The following HNF1A variants were observed in gnomAD, a reference collection of about 807,000 sequenced individuals.
HNF1A encodes the protein HNF1 homeobox A.
A neutral mutation model predicts 62.2 loss-of-function variants in HNF1A; 21 were observed. The ratio of observed to expected loss-of-function variants is 0.34; its 90% CI spans 0.24 to 0.49. HNF1A has a LOEUF of 0.49. HNF1A is among the 20% of genes least tolerant of loss of function. The pLI, the probability that HNF1A is intolerant of heterozygous loss-of-function variation, is 0.99. For synonymous variants in HNF1A, 374 were observed against 366.8 expected (o/e 1.02, Z -0.22); for missense variants, 687 against 832.3 (o/e 0.83, Z 2.15).
At chr12:120,991,077 G>A (rs1454205263) in intron 2 of HNF1A, among the ~76,000 whole-genome samples, 1 of 152,156 alleles carries the variant, frequency 6.6e-6, no homozygotes, top group East Asian at 1.9e-4. Flanking sequence ...GACTTTTAGG[G>A]ATTTTGCAAT....
chr12:120,981,148 G>A (rs1032748738), intron 1 of HNF1A, among the ~76,000 whole-genome samples: 1 of 151,936 alleles, frequency 6.6e-6, no homozygotes, highest in Non-Finnish European at 1.5e-5. Flanking sequence ...GGTCAGGAAA[G>A]GAGCCAGGGA....
At position 121,001,243 on chromosome 12, in the gene HNF1A, G is replaced by T; in HGVS notation, c.*51G>T. On this transcript the variant is annotated 3_prime_UTR_variant, in exon 10 of 10. Transcript: ENST00000257555. Reference sequence around the variant, plus strand: ...GTACTGCCTGCTTGGGGGGTGATGAGGGCAGCAGCCAGCCCTGCCTGGAGG... The same window carrying T: ...GTACTGCCTGCTTGGGGGGTGATGATGGCAGCAGCCAGCCCTGCCTGGAGG... 6.2e-7 allele frequency: 1 copy of T among 1,606,826 alleles called. No homozygotes were observed.
Position 120,978,743 on chromosome 12 carries a change from C to A in HNF1A, c.-26C>A. The A allele has an allele frequency of 6.2e-7, 1 of 1,609,568 alleles. No homozygotes were observed. ...AGGCGGCTAGCGTGGTGGACCCGGGCCGCGTGGCCCTGTGGCAGCCGAGCC... is the reference window on the plus strand; with the variant it reads ...AGGCGGCTAGCGTGGTGGACCCGGGACGCGTGGCCCTGTGGCAGCCGAGCC... On this transcript the variant is annotated 5_prime_UTR_variant, in exon 1 of 10. Coordinates refer to ENST00000257555, the MANE Select transcript of HNF1A (RefSeq NM_000545.8).
Position 120,997,555 on chromosome 12 carries a change from T to A in HNF1A, c.1391T>A (p.Phe464Tyr), listed in dbSNP as rs1403218426. ...CTGACCACCCTGCAGCCCGTCCAGTTCTCCCAGCCGCTGCACCCCTCCTAC... is the reference window on the plus strand; with the variant it reads ...CTGACCACCCTGCAGCCCGTCCAGTACTCCCAGCCGCTGCACCCCTCCTAC... ...SSLTTLQPVQ[F>Y]SQPLHPSYQQ... Residue 464 changes from phenylalanine (F) to tyrosine (Y), a missense_variant, in exon 7 of 10, where the codon TTC (phenylalanine) becomes TAC (tyrosine). Coordinates refer to ENST00000257555, the MANE Select transcript of HNF1A (RefSeq NM_000545.8). 2.5e-6 allele frequency: 4 copies of A among 1,613,288 alleles called. No homozygotes were observed. Among genetic ancestry groups the A allele is most frequent in the Non-Finnish European group, 1.7e-6 (2 of 1,179,986 alleles).
In HNF1A at chr12:121,001,830, G is replaced by A; in HGVS notation, c.*638G>A. 1.9e-6 allele frequency: 1 copy of A among 533,268 alleles called. No homozygotes were observed. The highest frequency in any genetic ancestry group is 3.6e-6 in the Non-Finnish European group (1 of 274,658). The allele number at this position is 533,268 out of a possible 1,614,324, so 33.0% of individuals were successfully genotyped here. On this transcript the variant is annotated 3_prime_UTR_variant, in exon 10 of 10. Coordinates refer to ENST00000257555, the MANE Select transcript of HNF1A (RefSeq NM_000545.8). Reference sequence around the variant, plus strand: ...AGGGAGGCCGAAGCTAACAGGGAAGGCAGGCAGGGCTCTCCTGGCTTCCCA... The same window carrying A: ...AGGGAGGCCGAAGCTAACAGGGAAGACAGGCAGGGCTCTCCTGGCTTCCCA...
chr12:120,981,701 GCCCCACCC>G lies in HNF1A; in HGVS notation c.326+2610_326+2617del, dbSNP rs1876257028. Among the ~76,000 whole-genome samples, 3 of 152,278 alleles carry G rather than the reference GCCCCACCC, an allele frequency of 2.0e-5. No individual in the cohort carries two copies. The East Asian group carries it at 5.8e-4, about 29-fold the overall frequency. On this transcript the variant is annotated intron_variant, in intron 1 of 9. Coordinates refer to ENST00000257555, the MANE Select transcript of HNF1A (RefSeq NM_000545.8). ...CCCTGATTGCTCCATCCAAAAGGGGGCCCCACCCCCGTCACTCTCTTCCACTACTGTTG... is the reference window on the plus strand; with the variant it reads ...CCCTGATTGCTCCATCCAAAAGGGGGCCGTCACTCTCTTCCACTACTGTTG...
rs1160122118 is a variant in HNF1A at position 120,989,103 on chromosome 12, C to T, written c.526+71C>T. On this transcript the variant is annotated intron_variant, in intron 2 of 9. Coordinates refer to ENST00000257555, the MANE Select transcript of HNF1A (RefSeq NM_000545.8). ...CTCTCCCCTAACTCATAGGTGGGGGCTGGAAGCTTCACCATCCCCATTACA... is the reference window on the plus strand; with the variant it reads ...CTCTCCCCTAACTCATAGGTGGGGGTTGGAAGCTTCACCATCCCCATTACA... 2.1e-6 allele frequency: 3 copies of T among 1,419,132 alleles called. No individual in the cohort carries two copies. In the African/African-American group the frequency reaches 4.2e-5, roughly 20 times the overall value. The allele number at this position is 1,419,132 out of a possible 1,614,324, so 87.9% of individuals were successfully genotyped here. A position where few individuals can be genotyped will look rare whatever the true frequency, so the allele number is the denominator to read the frequency against.
intron 1 of HNF1A, among the ~76,000 whole-genome samples, chr12:120,980,236 C>T (rs373559368): frequency 2.0e-5 from 3 of 152,294 alleles, no homozygotes; most frequent in Non-Finnish European, 2.9e-5. Context: ...CTACTCTGTT[C>T]GGTGCTCTCA....
chr12:120,978,882 G>A lies in HNF1A; in HGVS notation c.114G>A (p.Leu38=). ...QALGEPGPYL[L]AGEGPLDKGE... ...TGGGTGAGCCGGGGCCCTACCTCCT[G>A]GCTGGAGAAGGCCCCCTGGACAAGG... is the stretch of plus-strand genomic sequence containing the variant. The change falls in exon 1 of 10, where the codon CTG becomes CTA. Residue 38 remains leucine (L), a synonymous_variant. Transcript: ENST00000257555. 6.2e-7 allele frequency: 1 copy of A among 1,613,430 alleles called. No individual in the cohort carries two copies. Among genetic ancestry groups the A allele is most frequent in the South Asian group, 1.1e-5 (1 of 91,062 alleles).
At chr12:120,990,065 G>C (rs988121650) in intron 2 of HNF1A, among the ~76,000 whole-genome samples, 4 of 151,942 alleles carry the variant, frequency 2.6e-5, no homozygotes, top group African/African-American at 9.7e-5. Context: ...CAAGGGCACT[G>C]TCACCTTCCA....
intron 9 of HNF1A, 102 bp downstream of exon 9, chr12:120,999,729 A>T (rs1411420763): frequency 7.0e-7 from 1 of 1,426,622 alleles, no homozygotes; most frequent in East Asian, 2.5e-5. Context: ...CTGTGCATGC[A>T]GCAGGCCTAG....
chr12:120,998,979 C>T lies in HNF1A; in HGVS notation c.1502-289C>T, dbSNP rs1276653725. 3.3e-5 allele frequency among the ~76,000 whole-genome samples: 5 copies of T among 152,352 alleles called. No homozygotes were observed. In the South Asian group the frequency reaches 8.3e-4, roughly 25 times the overall value. Reference sequence around the variant, plus strand: ...ACAGTAGCCCTGCACCTGCACCTCCCGTTCCCTTTCATACCTGCTGTCTCC... The same window carrying T: ...ACAGTAGCCCTGCACCTGCACCTCCTGTTCCCTTTCATACCTGCTGTCTCC... On this transcript the variant is annotated intron_variant, in intron 7 of 9. Transcript: ENST00000257555.
chr12:120,995,438 C>A (rs889450154), intron 4 of HNF1A, among the ~76,000 whole-genome samples: 1 of 152,080 alleles, frequency 6.6e-6, no homozygotes, highest in African/African-American at 2.4e-5. Flanking sequence ...CCACTACATA[C>A]CATTTTATTC....
chr12:120,989,048 A>T lies in HNF1A; in HGVS notation c.526+16A>T. 6.2e-7 allele frequency: 1 copy of T among 1,612,538 alleles called. No individual in the cohort carries two copies. Among genetic ancestry groups the T allele is most frequent in the Non-Finnish European group, 8.5e-7 (1 of 1,179,366 alleles). On this transcript the variant is annotated intron_variant, in intron 2 of 9. Transcript: ENST00000257555. ...GTGGCGCAGCGTAAGTAATGACCCT[A>T]CCCCGCATCTTCCCTGGGAGGGCCC...
chr12:120,996,743 G>A lies in HNF1A; in HGVS notation c.1309+1G>A. 2 of 1,613,978 alleles carry A rather than the reference G, an allele frequency of 1.2e-6. No individual in the cohort carries two copies. The highest frequency in any genetic ancestry group is 1.7e-6 in the Non-Finnish European group (2 of 1,179,992). On this transcript the variant is annotated splice_donor_variant, in intron 6 of 9. Transcript: ENST00000257555. LOFTEE classifies it high-confidence loss of function. The surrounding 1 kb of genome is among the most constrained non-coding windows in gnomAD (Gnocchi z 4.5). ...ACAGGTGCCTCCACCCTGGTCATCG[G>A]TAAGCTGGTGGGGATGGGTGGGCAC... is the stretch of plus-strand genomic sequence containing the variant.
chr12:120,986,153 C>T (rs2393791), intron 1 of HNF1A, among the ~76,000 whole-genome samples: 93,303 of 151,896 alleles, frequency 0.61, 28,846 homozygotes, highest in African/African-American at 0.68. Flanking sequence ...GCGTGCCCTC[C>T]GGTATTTTAC....
intron 9 of HNF1A, 135 bp downstream of exon 9, chr12:120,999,762 C>G: frequency 1.6e-6 from 2 of 1,221,570 alleles, no homozygotes; most frequent in African/African-American, 3.0e-5. Flanking sequence ...GAAGCACTGG[C>G]AGGCGTGGAG....
chr12:120,980,437 G>C (rs528449507), intron 1 of HNF1A, among the ~76,000 whole-genome samples: 11 of 152,196 alleles, frequency 7.2e-5, no homozygotes, highest in East Asian at 1.9e-4. Flanking sequence ...GCCTGGACAG[G>C]GGGCAGGGGA....
In HNF1A at chr12:120,994,424, C is replaced by T. The variant is rs1232896706; in HGVS notation, c.955+19C>T. 4 of 1,578,468 alleles carry T rather than the reference C, an allele frequency of 2.5e-6. No individual in the cohort carries two copies. Among genetic ancestry groups the T allele is most frequent in the Non-Finnish European group, 2.6e-6 (3 of 1,159,892 alleles). On this transcript the variant is annotated intron_variant, in intron 4 of 9. Transcript: ENST00000257555. The stretch of plus-strand genomic sequence containing the variant: ...GTCCACGGTAAGTGGTATGTGGGGA[C>T]AAGGGACACGTGGGAAGGTGGGAGG...
Sources: gnomAD v4.1 joint callset for allele counts (sites outside exome capture counted in the v4.1 genomes callset) on GRCh38, gnomAD v4.1.1 for gene constraint, Gnocchi (gnomAD v3.1) non-coding constraint, MANE v1.5 for transcripts, NCBI Gene and HGNC (gene_info 2026-07-23, HGNC 2026-07-21) for gene names.